The following DGKB variants were observed in gnomAD, a reference collection of about 807,000 sequenced individuals.
The protein encoded by DGKB is diacylglycerol kinase beta.
In DGKB, 67 loss-of-function variants were observed where a neutral mutation model predicts 114.3. The ratio of observed to expected loss-of-function variants is 0.59; its 90% CI spans 0.48 to 0.72. DGKB has a LOEUF of 0.72. Among genes scored for constraint, DGKB ranks in the 30% least tolerant of loss-of-function variants. The pLI, the probability that DGKB is intolerant of heterozygous loss-of-function variation, is 0.00. For synonymous variants in DGKB, 398 were observed against 323.1 expected, an observed-to-expected ratio of 1.23 and a Z score of -2.49; for missense variants, 907 against 975.2, an observed-to-expected ratio of 0.93 and a Z score of 0.93.
chr7:14,348,454 A>C (rs1317298132), intron 21 of DGKB, among the ~76,000 whole-genome samples: 2 of 152,072 alleles, frequency 1.3e-5, no homozygotes, highest in African/African-American at 4.8e-5. Context: ...GAAAGCAAGA[A>C]AAGACATAAA....
At chr7:14,806,981 T>C (rs1035029167) in intron 2 of DGKB, among the ~76,000 whole-genome samples, 5 of 151,924 alleles carry the variant, frequency 3.3e-5, no homozygotes, top group African/African-American at 9.7e-5. Flanking sequence ...TGCAAACTAG[T>C]TGGGTATTCA....
intron 1 of DGKB, among the ~76,000 whole-genome samples, chr7:14,944,085 A>C (rs1008875823): frequency 4.6e-5 from 7 of 151,836 alleles, no homozygotes; most frequent in Non-Finnish European, 7.4e-5. Flanking sequence ...ATTTCATTCT[A>C]TTACCTAATA....
chr7:14,681,665 G>A (rs1820859380), intron 12 of DGKB, among the ~76,000 whole-genome samples: 1 of 151,938 alleles, frequency 6.6e-6, no homozygotes, highest in Non-Finnish European at 1.5e-5. Context: ...TAAATATTTT[G>A]TACTACATTA....
chr7:14,862,553 G>T (rs938882136), intron 1 of DGKB, among the ~76,000 whole-genome samples: 2 of 151,934 alleles, frequency 1.3e-5, no homozygotes, highest in Admixed American at 6.6e-5. Flanking sequence ...TACATTATTT[G>T]CCAAAAGTCA....
At chr7:14,301,899 T>C (rs750468251) in intron 23 of DGKB, among the ~76,000 whole-genome samples, 1 of 152,062 alleles carries the variant, frequency 6.6e-6, no homozygotes, top group Non-Finnish European at 1.5e-5. Flanking sequence ...TACCAAAGTA[T>C]GGGGCTTGGC....
intron 2 of DGKB, among the ~76,000 whole-genome samples, chr7:14,838,502 A>G (rs1299045948): frequency 6.6e-6 from 1 of 151,942 alleles, no homozygotes; most frequent in Non-Finnish European, 1.5e-5. Flanking sequence ...TTCTTTTAAA[A>G]CTGGAGGAAA....
chr7:14,459,344 A>G (rs967732846), intron 21 of DGKB, among the ~76,000 whole-genome samples: 13 of 152,166 alleles, frequency 8.5e-5, no homozygotes, highest in African/African-American at 3.1e-4. Context: ...CAAGGAAGCA[A>G]AGAACCTTGA....
chr7:14,423,931 T>C (rs1021093003), intron 21 of DGKB, among the ~76,000 whole-genome samples: 1 of 152,134 alleles, frequency 6.6e-6, no homozygotes, highest in African/African-American at 2.4e-5. Flanking sequence ...TACATGTCAT[T>C]TAAATCAACC....
intron 23 of DGKB, among the ~76,000 whole-genome samples, chr7:14,188,157 A>C (rs918798504): frequency 4.6e-5 from 7 of 152,300 alleles, no homozygotes; most frequent in African/African-American, 1.7e-4. Flanking sequence ...CAGCCAGAGG[A>C]GGGGAAAAGA....
At chr7:14,258,721 T>C (rs998992209) in intron 23 of DGKB, among the ~76,000 whole-genome samples, 1 of 152,152 alleles carries the variant, frequency 6.6e-6, no homozygotes, top group Non-Finnish European at 1.5e-5. Flanking sequence ...AACTTGGTCT[T>C]TGGTGCAAAA....
chr7:14,775,392 T>C (rs1240188227), intron 2 of DGKB, among the ~76,000 whole-genome samples: 1 of 151,774 alleles, frequency 6.6e-6, no homozygotes, highest in East Asian at 2.0e-4. Flanking sequence ...GGTTTGGCTG[T>C]GTCCCCACCG....
At chr7:14,843,656 G>C (rs1586862872) in intron 1 of DGKB, among the ~76,000 whole-genome samples, 1 of 152,260 alleles carries the variant, frequency 6.6e-6, no homozygotes, top group East Asian at 1.9e-4. Flanking sequence ...TAAAGTCAAG[G>C]ATTAAGTGAG....
chr7:14,389,786 T>C (rs1583588843), intron 21 of DGKB, among the ~76,000 whole-genome samples: 1 of 152,162 alleles, frequency 6.6e-6, no homozygotes, highest in Non-Finnish European at 1.5e-5. Flanking sequence ...CTTCTGGCTA[T>C]TGTTTAGCCA....
chr7:14,262,207 A>G (rs964808284), intron 23 of DGKB, among the ~76,000 whole-genome samples: 1 of 152,202 alleles, frequency 6.6e-6, no homozygotes, highest in Non-Finnish European at 1.5e-5. Context: ...AGAGTTTAGC[A>G]TAATTGAGCC....
chr7:14,297,347 G>A (rs1274980953), intron 23 of DGKB, among the ~76,000 whole-genome samples: 2 of 152,024 alleles, frequency 1.3e-5, no homozygotes, highest in Admixed American at 6.6e-5. Flanking sequence ...TTCAAAAAGC[G>A]TATTCACCAC....
At chr7:14,432,976 A>C (rs1828692108) in intron 21 of DGKB, among the ~76,000 whole-genome samples, 1 of 152,190 alleles carries the variant, frequency 6.6e-6, no homozygotes, top group Non-Finnish European at 1.5e-5. Context: ...TAATAAACAC[A>C]CATGGTAAGA....
intron 1 of DGKB, among the ~76,000 whole-genome samples, chr7:14,874,792 T>TC (rs1287228120): frequency 6.6e-6 from 1 of 151,978 alleles, no homozygotes; most frequent in Non-Finnish European, 1.5e-5. Context: ...CCAAATCAAT[T>TC]CCCCCACACA....
intron 2 of DGKB, among the ~76,000 whole-genome samples, chr7:14,807,196 C>T (rs1165211245): frequency 6.6e-6 from 1 of 151,910 alleles, no homozygotes; most frequent in Non-Finnish European, 1.5e-5. Flanking sequence ...AGTTTTGTTT[C>T]TCTCTAACTG....
rs916957861 is a variant in DGKB, at chr7:14,345,928, G to A, written c.1836-537C>T. Among the ~76,000 whole-genome samples the A allele has an allele frequency of 3.3e-5, 5 of 150,440 alleles. No homozygotes were observed. The East Asian group carries it at 9.7e-4, about 29-fold the overall frequency. ...TGATATTTTTGGCTTTTTGTACCAGGTAATTAAATTTATTATCACTTAATG... is the reference window on the plus strand; with the variant it reads ...TGATATTTTTGGCTTTTTGTACCAGATAATTAAATTTATTATCACTTAATG... On this transcript the variant is annotated intron_variant, in intron 21 of 25. Coordinates refer to ENST00000402815, the MANE Select transcript of DGKB (RefSeq NM_001350709.2).
Sources: gnomAD v4.1 joint callset for allele counts (sites outside exome capture counted in the v4.1 genomes callset) on GRCh38, gnomAD v4.1.1 for gene constraint, MANE v1.5 for transcripts, NCBI Gene and HGNC (gene_info 2026-07-23, HGNC 2026-07-21) for gene names.